The following KLK6 variants were observed in gnomAD, a reference collection of about 807,000 sequenced individuals.
The protein encoded by KLK6 is kallikrein-6.
In KLK6, 16 loss-of-function variants were observed where a neutral mutation model predicts 21.7. That is an observed-to-expected ratio of 0.74 (90% CI 0.50 to 1.12). The LOEUF is 1.12. Ranked by LOEUF, KLK6 falls within the 50% of genes most tolerant of loss-of-function variation. KLK6 has a pLI of 0.00. For missense variants in KLK6, 276 were observed against 304.6 expected, an observed-to-expected ratio of 0.91 and a Z score of 0.70; for synonymous variants, 116 against 120.1, an observed-to-expected ratio of 0.97 and a Z score of 0.22.
chr19:50,968,176 G>A, intron 2 of KLK6, 64 bp from the exon 3 acceptor site: 1 of 1,421,896 alleles, frequency 7.0e-7, no homozygotes, highest in Non-Finnish European at 9.9e-7. Flanking sequence ...CCCTCTGTCT[G>A]CTCCCTCTGC....
In KLK6 at chr19:50,968,408, C is replaced by T. The variant is rs116586045; in HGVS notation, c.-9+133G>A. ...CTTGGGCACTGATTTGCCTTCCTGT[C>T]GACAGGAGAGGGTTACCCTAGGGGG... On this transcript the variant is annotated intron_variant, in intron 2 of 6. Transcript: ENST00000310157. 615 of 484,546 alleles carry T rather than the reference C, an allele frequency of 1.3e-3. 3 individuals are homozygous for T. Among genetic ancestry groups the T allele is most frequent in the African/African-American group, 0.011 (557 of 51,352 alleles). 30.0% of individuals were successfully genotyped at this position (484,546 alleles called of 1,614,324 possible). A position where few individuals can be genotyped will look rare whatever the true frequency, so the allele number is the denominator to read the frequency against.
rs2123627229 is a variant in KLK6, at chr19:50,961,754, T to A, written c.572A>T (p.Asp191Val). 1 of 1,613,652 alleles carries A rather than the reference T, an allele frequency of 6.2e-7. No homozygotes were observed. The highest frequency in any genetic ancestry group is 1.7e-4 in the Middle Eastern group (1 of 6,058). ...LCAGDEKYGK[D>V]SCQGDSGGPL... ...TCCGGGTCACCTCACCTGGCAGGAA[T>A]CCTTCCCGTACTTCTCATCCCCAGC... The change falls in exon 6 of 7, where the codon GAT becomes GTT. Residue 191 changes from aspartate (D) to valine (V), a missense_variant. Coordinates refer to ENST00000310157, the MANE Select transcript of KLK6 (RefSeq NM_002774.4).
chr19:50,961,876 A>G lies in KLK6; in HGVS notation c.450T>C (p.Asp150=), dbSNP rs1361532514. The change falls in exon 6 of 7, where the codon GAT becomes GAC. Residue 150 remains aspartate, a synonymous_variant. Coordinates refer to ENST00000310157, the MANE Select transcript of KLK6 (RefSeq NM_002774.4). ...ATGCACACTGGATGGTGTCAGGGAA[A>G]TCACCTGTTAGGGGAGAGATGGGCC... ...ILGWGKTADG[D]FPDTIQCAYI... is the part of the protein sequence containing the mutation. 2.5e-6 allele frequency: 4 copies of G among 1,613,222 alleles called. No homozygotes were observed. In the East Asian group the frequency reaches 8.9e-5, roughly 36 times the overall value.
chr19:50,967,532 C>CACACACAT (rs2090946154), intron 3 of KLK6, among the ~76,000 whole-genome samples: 2 of 150,818 alleles, frequency 1.3e-5, no homozygotes, highest in Admixed American at 1.3e-4. Flanking sequence ...CACACACACA[C>CACACACAT]ACACACACAC....
intron 4 of KLK6, among the ~76,000 whole-genome samples, chr19:50,966,447 C>T (rs1161571984): frequency 2.0e-5 from 3 of 152,246 alleles, no homozygotes; most frequent in Non-Finnish European, 4.4e-5. Flanking sequence ...CCACGTGGGC[C>T]TCCCTCCCTC....
chr19:50,967,132 C>T lies in KLK6; in HGVS notation c.197+37G>A, dbSNP rs1412051811. On this transcript the variant is annotated intron_variant, in intron 4 of 6. Coordinates refer to ENST00000310157, the MANE Select transcript of KLK6 (RefSeq NM_002774.4). ...ACATCTATAAGACACCCTCAGGGTT[C>T]AGTCGCATCTGCTGTTCATTTACAG... 8 of 1,612,824 alleles carry T rather than the reference C, an allele frequency of 5.0e-6. No homozygotes were observed. The South Asian group carries it at 7.7e-5, about 16-fold the overall frequency.
In KLK6 at chr19:50,964,263, GA is replaced by G. The variant is rs369283331; in HGVS notation, c.198-715del. On this transcript the variant is annotated intron_variant, in intron 4 of 6. Transcript: ENST00000310157. ...CTTCCTTTAAATGTCGCCTCTCAGG[GA>G]AGCCTTCCTTAGTTGCCCAATTAAA... Among the ~76,000 whole-genome samples, 852 of 152,270 alleles carry G rather than the reference GA, an allele frequency of 5.6e-3. 6 individuals carry two copies. Among genetic ancestry groups the G allele is most frequent in the African/African-American group, 0.02 (819 of 41,550 alleles).
intron 2 of KLK6, chr19:50,968,331 G>T: frequency 3.3e-6 from 2 of 605,268 alleles, no homozygotes; most frequent in Non-Finnish European, 6.0e-6. Flanking sequence ...TCAGAACTAC[G>T]TCCACTGGTC....
chr19:50,963,797 C>G (rs1298278434), intron 4 of KLK6: 2 of 513,852 alleles, frequency 3.9e-6, no homozygotes, highest in Admixed American at 6.4e-5. Flanking sequence ...CTGGCCACAT[C>G]TCACCTTTCC....
At chr19:50,965,438 C>T (rs1354497288) in intron 4 of KLK6, among the ~76,000 whole-genome samples, 1 of 152,120 alleles carries the variant, frequency 6.6e-6, no homozygotes, top group Non-Finnish European at 1.5e-5. Flanking sequence ...AAGCCCACCA[C>T]CACGCCTGGC....
Position 50,959,248 on chromosome 19 carries a change from G to A in KLK6, c.651C>T (p.Pro217=), listed in dbSNP as rs201925956. 2 of 1,613,840 alleles carry A rather than the reference G, an allele frequency of 1.2e-6. No homozygotes were observed. Among genetic ancestry groups the A allele is most frequent in the Non-Finnish European group, 8.5e-7 (1 of 1,179,912 alleles). ...CTCCTGGCTTCTCCTTTGATCCACA[G>A]GGGATGTTACCCCATGACACAAGGC... is the stretch of plus-strand genomic sequence containing the variant. ...LRGLVSWGNI[P]CGSKEKPGVY... is the part of the protein sequence containing the mutation. Residue 217 remains proline, a synonymous_variant, in exon 7 of 7, where the codon CCC becomes CCT. Transcript: ENST00000310157.
rs762431541 is a variant in KLK6, at chr19:50,961,717, G to GT, written c.582+26dup. 1.1e-5 allele frequency: 18 copies of GT among 1,609,238 alleles called. No homozygotes were observed. The African/African-American group carries it at 2.0e-4, about 18-fold the overall frequency. On this transcript the variant is annotated intron_variant, in intron 6 of 6. Coordinates refer to ENST00000310157, the MANE Select transcript of KLK6 (RefSeq NM_002774.4). ...GTGACTTCGTCCTGTCCCTGGCTGT[G>GT]TAAGTGGCAGATCCGGGTCACCTCA...
chr19:50,959,563 T>C (rs1368347127), intron 6 of KLK6, among the ~76,000 whole-genome samples: 3 of 143,158 alleles, frequency 2.1e-5, no homozygotes, highest in African/African-American at 7.9e-5. Context: ...GACACAGAGA[T>C]AGGAATGCCA....
rs1483952798 is a variant in KLK6, at chr19:50,969,505, T to G, written c.-75A>C. The G allele has an allele frequency of 6.6e-6, 1 of 152,530 alleles. No homozygotes were observed. The highest frequency in any genetic ancestry group is 1.5e-5 in the Non-Finnish European group (1 of 68,386). 9.4% of individuals were successfully genotyped at this position (152,530 alleles called of 1,614,324 possible). On this transcript the variant is annotated 5_prime_UTR_variant, in exon 1 of 7. Coordinates refer to ENST00000310157, the MANE Select transcript of KLK6 (RefSeq NM_002774.4). ...ACTCACACACCTGCCCGTAGGTCCCTCTGTGTGCTGCCTGCCGACCTCTGT... is the reference window on the plus strand; with the variant it reads ...ACTCACACACCTGCCCGTAGGTCCCGCTGTGTGCTGCCTGCCGACCTCTGT...
intron 4 of KLK6, among the ~76,000 whole-genome samples, chr19:50,966,603 C>T (rs2090929877): frequency 6.6e-6 from 1 of 152,170 alleles, no homozygotes; most frequent in Non-Finnish European, 1.5e-5. Context: ...GAGTTCGAGA[C>T]CAGCCTGGCC....
At position 50,967,116 on chromosome 19, in the gene KLK6, A is replaced by G. The variant is rs1431769456; in HGVS notation, c.197+53T>C. The stretch of plus-strand genomic sequence containing the variant: ...TGTCACCTCCTGCCTGACATCTATA[A>G]GACACCCTCAGGGTTCAGTCGCATC... On this transcript the variant is annotated intron_variant, in intron 4 of 6. Coordinates refer to ENST00000310157, the MANE Select transcript of KLK6 (RefSeq NM_002774.4). The G allele has an allele frequency of 3.7e-6, 6 of 1,605,204 alleles. No homozygotes were observed. The African/African-American group carries it at 8.0e-5, about 21-fold the overall frequency.
In KLK6 at chr19:50,961,801, C is replaced by A. The variant is rs746705370; in HGVS notation, c.525G>T (p.Gln175His). The change falls in exon 6 of 7, where the codon CAG becomes CAT. Residue 175 changes from glutamine (Q) to histidine (H), a missense_variant. By Grantham distance (24) the Gln-to-His change is conservative. Coordinates refer to ENST00000310157, the MANE Select transcript of KLK6 (RefSeq NM_002774.4). ...CAGCACACAACATGTTCTGGGTGAT[C>A]TGGCCAGGGTAGGCATGCTCACACT... ...REECEHAYPGQITQNMLCAGD... is the reference protein window; with the variant it reads ...REECEHAYPGHITQNMLCAGD... The A allele has an allele frequency of 7.4e-6, 12 of 1,614,060 alleles. No homozygotes were observed. The highest frequency in any genetic ancestry group is 1.0e-5 in the Non-Finnish European group (12 of 1,179,948).
chr19:50,967,779 A>G (rs2090950432), intron 3 of KLK6, among the ~76,000 whole-genome samples: 2 of 151,118 alleles, frequency 1.3e-5, no homozygotes, highest in African/African-American at 4.9e-5. Context: ...TGTATCCCCT[A>G]TTCCCGGGCT....
chr19:50,968,172 G>T, intron 2 of KLK6, 60 bp from the exon 3 acceptor site: 1 of 1,461,144 alleles, frequency 6.8e-7, no homozygotes, highest in Non-Finnish European at 9.6e-7. Context: ...CCATCCCTCT[G>T]TCTGCTCCCT....
Sources: gnomAD v4.1 joint callset for allele counts (sites outside exome capture counted in the v4.1 genomes callset) on GRCh38, gnomAD v4.1.1 for gene constraint, MANE v1.5 for transcripts, NCBI Gene and HGNC (gene_info 2026-07-23, HGNC 2026-07-21) for gene names.